Variants in SH3BGRL2 observed in about 807,000 individuals in gnomAD.
The protein encoded by SH3BGRL2 is SH3 domain-binding glutamic acid-rich-like protein 2.
A neutral mutation model predicts 14.8 loss-of-function variants in SH3BGRL2; 21 were observed. The observed-to-expected ratio is 1.42, with a 90% confidence interval of 1.01 to 2.05. SH3BGRL2 has a LOEUF of 2.05. Ranked by LOEUF, SH3BGRL2 falls within the 30% of genes most tolerant of loss-of-function variation. The pLI is 0.00. For synonymous variants in SH3BGRL2, 50 were observed against 47.8 expected (o/e 1.05, Z -0.19); for missense variants, 147 against 130.8 (o/e 1.12, Z -0.61).
the SH3BGRL2 span, among the ~76,000 whole-genome samples, chr6:79,542,634 T>A: frequency 0.026 from 3,965 of 152,264 alleles, 76 homozygotes; most frequent in Middle Eastern, 0.085. Flanking sequence ...ACACCCTTGC[T>A]AGTTGGCTTA....
chr6:79,595,863 A>G, the SH3BGRL2 span, among the ~76,000 whole-genome samples: 16,229 of 152,220 alleles, frequency 0.11, 1,677 homozygotes, highest in East Asian at 0.56. Context: ...ATCCAGTTGG[A>G]AAATGAAGAA....
chr6:79,577,134 A>AAACAT, the SH3BGRL2 span, among the ~76,000 whole-genome samples: 1 of 152,210 alleles, frequency 6.6e-6, no homozygotes, highest in South Asian at 2.1e-4. Flanking sequence ...AAACAAAACA[A>AAACAT]AACAAAACTA....
At chr6:79,656,001 G>GGCACT (rs1769405245) in intron 1 of SH3BGRL2, among the ~76,000 whole-genome samples, 1 of 152,136 alleles carries the variant, frequency 6.6e-6, no homozygotes, top group Non-Finnish European at 1.5e-5. Context: ...CCTGGGCCCG[G>GGCACT]GTATGGACTT....
the SH3BGRL2 span, among the ~76,000 whole-genome samples, chr6:79,572,085 T>C: frequency 6.6e-6 from 1 of 152,194 alleles, no homozygotes; most frequent in African/African-American, 2.4e-5. Context: ...CCACAAACTT[T>C]ATTTGGATAT....
chr6:79,693,405 G>A (rs528408649), intron 2 of SH3BGRL2, among the ~76,000 whole-genome samples: 1 of 151,756 alleles, frequency 6.6e-6, no homozygotes, highest in African/African-American at 2.4e-5. Context: ...TTAAATAGGA[G>A]TGGTGAGAGA....
At chr6:79,570,543 G>C in the SH3BGRL2 span, among the ~76,000 whole-genome samples, 2 of 152,186 alleles carry the variant, frequency 1.3e-5, no homozygotes, top group African/African-American at 4.8e-5. Flanking sequence ...CTTTAGGTCT[G>C]CCCTGTGATC....
Position 79,702,972 on chromosome 6 carries a change from G to A in SH3BGRL2, c.*3463G>A, listed in dbSNP as rs1169602419. The stretch of plus-strand genomic sequence containing the variant: ...ATTGTTTGAGGTTGATCTCAGCACT[G>A]AACGATTTCAAGCCCTACGCACCAG... On this transcript the variant is annotated 3_prime_UTR_variant, in exon 4 of 4. Coordinates refer to ENST00000369838, the MANE Select transcript of SH3BGRL2 (RefSeq NM_031469.4). 3 of 152,236 alleles carry A rather than the reference G, an allele frequency of 2.0e-5. No individual in the cohort carries two copies. The highest frequency in any genetic ancestry group is 2.0e-4 in the Admixed American group (3 of 15,288). The allele number at this position is 152,236 out of a possible 1,614,324, so 9.4% of individuals were successfully genotyped here.
chr6:79,668,120 G>A (rs900092498), intron 1 of SH3BGRL2, among the ~76,000 whole-genome samples: 10 of 152,104 alleles, frequency 6.6e-5, no homozygotes, highest in African/African-American at 2.2e-4. Context: ...ATGGCTAGAC[G>A]TGTCTGGAAG....
chr6:79,674,214 G>A (rs1436425673), intron 2 of SH3BGRL2, among the ~76,000 whole-genome samples: 1 of 152,114 alleles, frequency 6.6e-6, no homozygotes, highest in Non-Finnish European at 1.5e-5. Context: ...GGGCAGAGTA[G>A]TAGAGGGGGA....
intron 1 of SH3BGRL2, among the ~76,000 whole-genome samples, chr6:79,652,128 T>C (rs1769309082): frequency 6.6e-6 from 1 of 152,072 alleles, no homozygotes; most frequent in Non-Finnish European, 1.5e-5. Context: ...GAGGCTGAGT[T>C]GTGAAGAATA....
intron 2 of SH3BGRL2, among the ~76,000 whole-genome samples, chr6:79,686,385 A>G (rs1770090406): frequency 6.9e-6 from 1 of 144,882 alleles, no homozygotes; most frequent in African/African-American, 2.6e-5. Context: ...ATGAAGTTTT[A>G]CTCTTATGTT....
the SH3BGRL2 span, among the ~76,000 whole-genome samples, chr6:79,560,144 A>G: frequency 1.6e-3 from 240 of 152,292 alleles, 1 homozygote; most frequent in African/African-American, 5.6e-3. Flanking sequence ...TGAGGGGACC[A>G]AAACCTAATA....
the SH3BGRL2 span, among the ~76,000 whole-genome samples, chr6:79,618,655 G>A: frequency 3.3e-5 from 5 of 151,858 alleles, no homozygotes; most frequent in African/African-American, 9.7e-5. Context: ...GCAGTGAGCC[G>A]AGATCAAGCC....
chr6:79,648,078 GAA>G (rs1415198035), intron 1 of SH3BGRL2, among the ~76,000 whole-genome samples: 1 of 150,438 alleles, frequency 6.6e-6, no homozygotes, highest in East Asian at 2.0e-4. Flanking sequence ...CCATTAAAGG[GAA>G]AAAAATCATC....
chr6:79,639,097 G>A (rs1768983146), intron 1 of SH3BGRL2, among the ~76,000 whole-genome samples: 1 of 152,020 alleles, frequency 6.6e-6, no homozygotes, highest in African/African-American at 2.4e-5. Flanking sequence ...GCAGTGTGAG[G>A]TATTAACTAA....
chr6:79,620,230 G>C, the SH3BGRL2 span, among the ~76,000 whole-genome samples: 1 of 151,912 alleles, frequency 6.6e-6, no homozygotes, highest in African/African-American at 2.4e-5. Flanking sequence ...CTTTTACAAA[G>C]CTCATTTTTT....
chr6:79,577,338 A>G, the SH3BGRL2 span, among the ~76,000 whole-genome samples: 7 of 152,014 alleles, frequency 4.6e-5, no homozygotes, highest in African/African-American at 1.5e-4. Context: ...CTCTTCCTCC[A>G]CTTCCCTTTC....
chr6:79,681,314 A>G (rs1240242690), intron 2 of SH3BGRL2, among the ~76,000 whole-genome samples: 1 of 152,126 alleles, frequency 6.6e-6, no homozygotes, highest in Non-Finnish European at 1.5e-5. Flanking sequence ...CTATTGAGTT[A>G]ATTTTTTTTT....
chr6:79,539,396 A>G, the SH3BGRL2 span, among the ~76,000 whole-genome samples: 1 of 152,242 alleles, frequency 6.6e-6, no homozygotes, highest in African/African-American at 2.4e-5. Context: ...TATCAAAACC[A>G]CATTTATATT....
Sources: allele counts gnomAD v4.1 joint callset (sites outside exome capture counted in the v4.1 genomes callset), GRCh38; gene constraint gnomAD v4.1.1; transcripts MANE v1.5; gene names NCBI Gene and HGNC (gene_info 2026-07-23, HGNC 2026-07-21).